Variants in ACTR3C observed in about 807,000 individuals in gnomAD.
ACTR3C encodes the protein actin-related protein 3C.
Under a neutral mutation model 26.3 loss-of-function variants are expected in ACTR3C, and 18 were observed. The observed-to-expected ratio is 0.68, with a 90% CI of 0.47 to 1.01. ACTR3C has a LOEUF of 1.01. Ranked by LOEUF, ACTR3C falls within the 50% of genes least tolerant of loss-of-function variation. The pLI, the probability that ACTR3C is intolerant of heterozygous loss-of-function variation, is 0.00. For synonymous variants in ACTR3C, 55 were observed against 94.5 expected (o/e 0.58, Z 2.42); for missense variants, 184 against 250.7 (o/e 0.73, Z 1.80).
chr7:150,156,428 A>G, the ACTR3C span, among the ~76,000 whole-genome samples: 1 of 152,178 alleles, frequency 6.6e-6, no homozygotes, highest in Non-Finnish European at 1.5e-5. Flanking sequence ...CACTAAATTA[A>G]TGTTTAAACT....
At chr7:150,120,701 A>G in the ACTR3C span, among the ~76,000 whole-genome samples, 35 of 152,308 alleles carry the variant, frequency 2.3e-4, 1 homozygote, top group Admixed American at 1.5e-3. Flanking sequence ...TATTCCAAAC[A>G]ATAGAAAAAG....
chr7:150,097,160 A>G, the ACTR3C span, among the ~76,000 whole-genome samples: 4 of 150,722 alleles, frequency 2.7e-5, no homozygotes, highest in Non-Finnish European at 4.4e-5. Context: ...CAATAGCTAT[A>G]TGATACACTA....
At chr7:150,086,203 C>T in the ACTR3C span, among the ~76,000 whole-genome samples, 10 of 152,170 alleles carry the variant, frequency 6.6e-5, no homozygotes, top group African/African-American at 9.6e-5. Context: ...AGGTTGGTCT[C>T]GAACTCCTGA....
At chr7:150,280,877 T>C (rs1368715909) in intron 6 of ACTR3C, among the ~76,000 whole-genome samples, 1 of 151,972 alleles carries the variant, frequency 6.6e-6, no homozygotes, top group African/African-American at 2.4e-5. Context: ...AAAATATACC[T>C]ATTAAGTACT....
chr7:149,975,100 C>G, the ACTR3C span, among the ~76,000 whole-genome samples: 1 of 152,180 alleles, frequency 6.6e-6, no homozygotes, highest in African/African-American at 2.4e-5. Flanking sequence ...ACATGTCCCC[C>G]CAGTGCACCT....
At chr7:149,922,970 CTTTTTTTTTTT>C in the ACTR3C span, among the ~76,000 whole-genome samples, 24 of 69,162 alleles carry the variant, frequency 3.5e-4, 1 homozygote, top group African/African-American at 1.0e-3. Context: ...AAATAAAAGG[CTTTTTTTTTTT>C]TTTTTTTTTT....
At chr7:150,033,832 C>CGCG in the ACTR3C span, among the ~76,000 whole-genome samples, 1 of 150,672 alleles carries the variant, frequency 6.6e-6, no homozygotes, top group African/African-American at 2.5e-5. Flanking sequence ...GTCCCTGCCT[C>CGCG]GTGGGGGGTG....
the ACTR3C span, among the ~76,000 whole-genome samples, chr7:150,009,590 C>G: frequency 6.6e-6 from 1 of 152,166 alleles, no homozygotes; most frequent in Admixed American, 6.5e-5. Flanking sequence ...GACCACTGGG[C>G]TCTAAAATTT....
At chr7:150,229,563 C>T in the ACTR3C span, among the ~76,000 whole-genome samples, 3 of 152,130 alleles carry the variant, frequency 2.0e-5, 1 homozygote, top group Middle Eastern at 0.01. Flanking sequence ...CAGCTCACTG[C>T]AACCTCCGCC....
the ACTR3C span, among the ~76,000 whole-genome samples, chr7:149,967,270 C>T: frequency 2.6e-5 from 4 of 152,000 alleles, no homozygotes; most frequent in South Asian, 2.1e-4. Context: ...CTCCTGACCT[C>T]GTGATCCACC....
At chr7:150,120,104 T>C in the ACTR3C span, among the ~76,000 whole-genome samples, 1 of 152,316 alleles carries the variant, frequency 6.6e-6, no homozygotes, top group South Asian at 2.1e-4. Flanking sequence ...CGGACATTTA[T>C]GGCACTAAAC....
At chr7:150,051,059 G>A in the ACTR3C span, among the ~76,000 whole-genome samples, 1 of 144,828 alleles carries the variant, frequency 6.9e-6, no homozygotes, top group South Asian at 2.3e-4. Flanking sequence ...AGCCGAGATC[G>A]CGCCACTGCA....
In ACTR3C at chr7:150,265,571, G is replaced by A. The variant is rs1340476633; in HGVS notation, c.565-16517C>T. Reference sequence around the variant, plus strand: ...TAGCTGGGCATGGTGGCACACACCTGTAATCCCAGCTACTCAGGAGGCTGA... The same window carrying A: ...TAGCTGGGCATGGTGGCACACACCTATAATCCCAGCTACTCAGGAGGCTGA... On this transcript the variant is annotated intron_variant, in intron 6 of 7. Transcript: ENST00000683684. 4.6e-5 allele frequency among the ~76,000 whole-genome samples: 7 copies of A among 152,096 alleles called. No individual in the cohort carries two copies. In the East Asian group the frequency reaches 7.7e-4, roughly 17 times the overall value.
chr7:150,295,328 G>T lies in ACTR3C; in HGVS notation c.-32C>A. On this transcript the variant is annotated 5_prime_UTR_variant, in exon 2 of 8. Coordinates refer to ENST00000683684, the MANE Select transcript of ACTR3C (RefSeq NM_001164458.2). ...TGCAAGATACTCTCTGTTTTCTGGTGTATTGAGTGGAGGTTCTGTCTGTAA... is the reference window on the plus strand; with the variant it reads ...TGCAAGATACTCTCTGTTTTCTGGTTTATTGAGTGGAGGTTCTGTCTGTAA... The T allele has an allele frequency of 1.2e-6, 2 of 1,613,860 alleles. No individual in the cohort carries two copies. The highest frequency in any genetic ancestry group is 1.7e-6 in the Non-Finnish European group (2 of 1,179,704).
the ACTR3C span, among the ~76,000 whole-genome samples, chr7:150,058,744 G>A: frequency 3.9e-5 from 6 of 152,070 alleles, no homozygotes; most frequent in South Asian, 2.1e-4. Context: ...GTGAAACCTC[G>A]GCTCTACTAA....
chr7:150,089,215 CAT>C, the ACTR3C span, among the ~76,000 whole-genome samples: 1 of 152,260 alleles, frequency 6.6e-6, no homozygotes, highest in East Asian at 1.9e-4. Context: ...TTGAGAAAAG[CAT>C]AGATTTCAAC....
chr7:150,025,187 GAC>G, the ACTR3C span, among the ~76,000 whole-genome samples: 9 of 149,524 alleles, frequency 6.0e-5, no homozygotes, highest in African/African-American at 2.0e-4. Flanking sequence ...TCCTTCTATT[GAC>G]ATAAGGAATA....
the ACTR3C span, among the ~76,000 whole-genome samples, chr7:150,181,568 C>T: frequency 6.7e-6 from 1 of 149,786 alleles, no homozygotes; most frequent in African/African-American, 2.5e-5. Context: ...CACTCCAGCC[C>T]AGCCTGGGCA....
At chr7:150,133,664 T>C in the ACTR3C span, among the ~76,000 whole-genome samples, 1 of 152,106 alleles carries the variant, frequency 6.6e-6, no homozygotes, top group Non-Finnish European at 1.5e-5. Flanking sequence ...CACTCTAACA[T>C]TTCCCCTCAC....
Sources: gnomAD v4.1 joint callset for allele counts (sites outside exome capture counted in the v4.1 genomes callset) on GRCh38, gnomAD v4.1.1 for gene constraint, MANE v1.5 for transcripts, NCBI Gene and HGNC (gene_info 2026-07-23, HGNC 2026-07-21) for gene names.